The following CSNK1E variants were observed in gnomAD, a reference collection of about 807,000 sequenced individuals.
CSNK1E encodes casein kinase I isoform epsilon.
Under a neutral mutation model 46.1 loss-of-function variants are expected in CSNK1E, and 17 were observed. The ratio of observed to expected loss-of-function variants is 0.37; its 90% CI spans 0.25 to 0.55. The LOEUF (loss-of-function observed/expected upper bound fraction) is 0.55. Ranked by LOEUF, CSNK1E falls within the 20% of genes least tolerant of loss-of-function variation. CSNK1E has a pLI of 0.82. For missense variants in CSNK1E, 386 were observed against 595.4 expected, an observed-to-expected ratio of 0.65 and a Z score of 3.66; for synonymous variants, 241 against 242.6, an observed-to-expected ratio of 0.99 and a Z score of 0.06.
intron 2 of CSNK1E, 111 bp downstream of exon 2, chr22:38,313,971 C>G: frequency 9.8e-7 from 1 of 1,016,914 alleles, no homozygotes; most frequent in Non-Finnish European, 1.5e-6. Flanking sequence ...TGGGGCAAAT[C>G]ATGCCCCTGG....
chr22:38,301,544 T>A (rs2092672580), intron 4 of CSNK1E, among the ~76,000 whole-genome samples: 1 of 152,144 alleles, frequency 6.6e-6, no homozygotes, highest in African/African-American at 2.4e-5. Flanking sequence ...GTGATTTTCC[T>A]GCCTCAGCCT....
intron 2 of CSNK1E, among the ~76,000 whole-genome samples, chr22:38,307,609 T>A (rs886098117): frequency 2.0e-5 from 3 of 152,224 alleles, no homozygotes; most frequent in Non-Finnish European, 4.4e-5. Context: ...TACAGCTTTT[T>A]ATATCAGGAA....
At chr22:38,313,794 C>T (rs535654589) in intron 2 of CSNK1E, among the ~76,000 whole-genome samples, 1 of 152,334 alleles carries the variant, frequency 6.6e-6, no homozygotes, top group East Asian at 1.9e-4. Context: ...TTCCCACACC[C>T]AGCTGGTGAC....
chr22:38,296,390 C>G lies in CSNK1E; in HGVS notation c.886-1856G>C. On this transcript the variant is annotated intron_variant, in intron 7 of 10. Coordinates refer to ENST00000396832, the MANE Select transcript of CSNK1E (RefSeq NM_152221.3). ...GTGGCTTCCAGGCCCCAGGGATCCACAGATCCCAGCACCCCGGTGCAGCCA... is the reference window on the plus strand; with the variant it reads ...GTGGCTTCCAGGCCCCAGGGATCCAGAGATCCCAGCACCCCGGTGCAGCCA... 8 of 1,403,410 alleles carry G rather than the reference C, an allele frequency of 5.7e-6. No individual in the cohort carries two copies. The South Asian group carries it at 1.1e-4, about 20-fold the overall frequency. 86.9% of individuals were successfully genotyped at this position (1,403,410 alleles called of 1,614,324 possible). A position where few individuals can be genotyped will look rare whatever the true frequency, so the allele number is the denominator to read the frequency against.
At chr22:38,314,622 C>T (rs1228934031) in intron 1 of CSNK1E, among the ~76,000 whole-genome samples, 2 of 152,224 alleles carry the variant, frequency 1.3e-5, no homozygotes, top group African/African-American at 2.4e-5. Flanking sequence ...AGAATGCCCT[C>T]GACCATCCAC....
At chr22:38,306,721 C>T (rs1412687143) in intron 2 of CSNK1E, among the ~76,000 whole-genome samples, 1 of 111,318 alleles carries the variant, frequency 9.0e-6, no homozygotes, top group Non-Finnish European at 1.8e-5. Flanking sequence ...CAGAGCAAGA[C>T]TCCATCTCAA....
At chr22:38,302,397 G>A (rs1185613950) in intron 4 of CSNK1E, among the ~76,000 whole-genome samples, 1 of 152,238 alleles carries the variant, frequency 6.6e-6, no homozygotes, top group Non-Finnish European at 1.5e-5. Context: ...ACCCCAGGCA[G>A]AGTCCCAGGC....
At position 38,303,431 on chromosome 22, in the gene CSNK1E, A is replaced by G. The variant is rs537202375; in HGVS notation, c.77-183T>C. On this transcript the variant is annotated intron_variant, in intron 2 of 10. Transcript: ENST00000396832. The surrounding 1 kb of genome is among the most constrained non-coding windows in gnomAD (Gnocchi z 4.7). ...CCCGGCAAAGGGTTCCTGAGGGGAA[A>G]GAAGGTCAGCGCTGTGAGGGACAGA... 5.9e-5 allele frequency among the ~76,000 whole-genome samples: 9 copies of G among 152,346 alleles called. No homozygotes were observed. Among genetic ancestry groups the G allele is most frequent in the Non-Finnish European group, 8.8e-5 (6 of 68,018 alleles).
At chr22:38,312,236 G>A (rs1461009107) in intron 2 of CSNK1E, among the ~76,000 whole-genome samples, 3 of 152,178 alleles carry the variant, frequency 2.0e-5, no homozygotes, top group East Asian at 1.9e-4. Flanking sequence ...TTACAGGCGC[G>A]TGCCGCCATG....
Position 38,294,221 on chromosome 22 carries a change from C to T in CSNK1E, c.1106G>A (p.Arg369Gln), listed in dbSNP as rs753064501. 3.1e-6 allele frequency: 5 copies of T among 1,612,484 alleles called. No homozygotes were observed. The highest frequency in any genetic ancestry group is 2.2e-5 in the East Asian group (1 of 44,868). ...ACTCACCTTCCTCTCCCGGTCGACC[C>T]GCGAGATCGCTCTGGGAGAAGTATT... Reference protein sequence around the residue: ...AGNTSPRAISRVDRERKVSMR... With the variant: ...AGNTSPRAISQVDRERKVSMR... Residue 369 changes from arginine (R) to glutamine (Q), a missense_variant, in exon 9 of 11, where the codon CGG becomes CAG. Arg to Gln is a conservative substitution (Grantham distance 43). This residue lies in a region of CSNK1E where 174 missense variants were observed against 185.2 expected (regional missense o/e 0.94). Coordinates refer to ENST00000396832, the MANE Select transcript of CSNK1E (RefSeq NM_152221.3). This position sits in a 1 kb window ranked among gnomAD's most constrained non-coding sequence, Gnocchi z 5.5.
rs765772548 is a variant in CSNK1E at position 38,294,395 on chromosome 22, C to T, written c.1025G>A (p.Arg342His). Residue 342 changes from arginine to histidine, a missense_variant, in exon 8 of 11, where the codon CGC becomes CAC. Physicochemically the swap from Arg to His is conservative, Grantham distance 29 (BLOSUM62 0). Around this residue, in one of 2 missense-constraint regions of CSNK1E, gnomAD observed 174 missense variants for 185.2 expected, o/e 0.94. Coordinates refer to ENST00000396832, the MANE Select transcript of CSNK1E (RefSeq NM_152221.3). This position sits in a 1 kb window ranked among gnomAD's most constrained non-coding sequence, Gnocchi z 5.5. Reference sequence around the variant, plus strand: ...GGAAGCCACGGGCTCGGCGGCACTGCGGAGCCGGTTGGCAGTGGCCCCCGT... The same window carrying T: ...GGAAGCCACGGGCTCGGCGGCACTGTGGAGCCGGTTGGCAGTGGCCCCCGT... ...PPTGATANRL[R>H]SAAEPVASTP... The T allele has an allele frequency of 1.1e-5, 17 of 1,555,968 alleles. No individual in the cohort carries two copies. The highest frequency in any genetic ancestry group is 1.1e-5 in the Non-Finnish European group (13 of 1,153,514).
intron 10 of CSNK1E, chr22:38,292,609 T>C (rs1287871280): frequency 6.5e-6 from 1 of 152,704 alleles, no homozygotes; most frequent in East Asian, 1.9e-4. Flanking sequence ...GTCGGACTAC[T>C]GCCTACAAAT....
rs79465732 is a variant in CSNK1E at position 38,301,620 on chromosome 22, G to C, written c.337-668C>G. On this transcript the variant is annotated intron_variant, in intron 4 of 10. Transcript: ENST00000396832. ...GCTAATTTTTTGTATTTTTAGCAGA[G>C]ATGGCGTTTCACCATGATGGTCAGA... 5.9e-3 allele frequency among the ~76,000 whole-genome samples: 892 copies of C among 152,246 alleles called. 16 individuals carry two copies. The highest frequency in any genetic ancestry group is 0.021 in the African/African-American group (873 of 41,528).
At chr22:38,314,200 C>G in intron 1 of CSNK1E, 31 bp from the exon 2 acceptor site, 1 of 1,586,680 alleles carries the variant, frequency 6.3e-7, no homozygotes, top group East Asian at 2.2e-5. Flanking sequence ...TGAGGGTCAG[C>G]GACGTGGGGA....
intron 7 of CSNK1E, chr22:38,296,402 C>A: frequency 7.1e-7 from 1 of 1,417,876 alleles, no homozygotes. Context: ...GATCCCAGCA[C>A]CCCGGTGCAG....
chr22:38,299,716 C>T (rs1376107356), intron 6 of CSNK1E, among the ~76,000 whole-genome samples, 179 bp downstream of exon 6: 1 of 152,218 alleles, frequency 6.6e-6, no homozygotes, highest in Non-Finnish European at 1.5e-5. Context: ...CACCATGTTA[C>T]TCAGGCTGGT....
Position 38,298,274 on chromosome 22 carries a change from A to C in CSNK1E, c.885+512T>G. On this transcript the variant is annotated intron_variant, in intron 7 of 10. Coordinates refer to ENST00000396832, the MANE Select transcript of CSNK1E (RefSeq NM_152221.3). The surrounding 1 kb of genome is among the most constrained non-coding windows in gnomAD (Gnocchi z 4.2). ...CCAGAGCTCTGGGTACGGCCGGCCA[A>C]TGCTGCTCCCCACCCAACCCCACCC... 5.0e-6 allele frequency: 6 copies of C among 1,188,994 alleles called. No individual in the cohort carries two copies. The highest frequency in any genetic ancestry group is 5.8e-5 in the East Asian group (1 of 17,328). The allele number at this position is 1,188,994 out of a possible 1,614,324, so 73.7% of individuals were successfully genotyped here.
At chr22:38,304,527 G>A (rs1392893189) in intron 2 of CSNK1E, among the ~76,000 whole-genome samples, 2 of 152,158 alleles carry the variant, frequency 1.3e-5, no homozygotes, top group East Asian at 1.9e-4. Context: ...GTGCACCAGG[G>A]GGACAGGACA....
intron 7 of CSNK1E, chr22:38,297,930 G>T: frequency 9.0e-7 from 1 of 1,112,226 alleles, no homozygotes. Flanking sequence ...GTAGTTTTGG[G>T]GGGACAGCTC....
Sources: allele counts gnomAD v4.1 joint callset (sites outside exome capture counted in the v4.1 genomes callset), GRCh38; gene constraint gnomAD v4.1.1; regional missense constraint gnomAD v4.1.1; non-coding constraint Gnocchi (gnomAD v3.1); transcripts MANE v1.5; gene names NCBI Gene and HGNC (gene_info 2026-07-23, HGNC 2026-07-21).